The following AGBL1 variants were observed in gnomAD, a reference collection of about 807,000 sequenced individuals.
AGBL1 encodes AGBL carboxypeptidase 1, also known as cytosolic carboxypeptidase 4.
Under a neutral mutation model 118.9 loss-of-function variants are expected in AGBL1, and 130 were observed. The observed-to-expected ratio is 1.09, with a 90% CI of 0.95 to 1.26. The LOEUF (loss-of-function observed/expected upper bound fraction) is 1.26. AGBL1 is among the 50% of genes most tolerant of loss of function. AGBL1 has a pLI of 0.00. For missense variants in AGBL1, 1,584 were observed against 1,298.1 expected, an observed-to-expected ratio of 1.22 and a Z score of -3.38; for synonymous variants, 555 against 478.9, an observed-to-expected ratio of 1.16 and a Z score of -2.08.
intron 22 of AGBL1, among the ~76,000 whole-genome samples, chr15:86,765,339 G>T (rs1403964997): frequency 6.6e-6 from 1 of 151,950 alleles, no homozygotes; most frequent in African/African-American, 2.4e-5. Flanking sequence ...GCTAGACCCA[G>T]ATATGTTTGT....
rs143829392 is a variant in AGBL1 at position 86,860,315 on chromosome 15, T to C, written c.3159-46772T>C. On this transcript the variant is annotated intron_variant, in intron 22 of 22. Transcript: ENST00000614907. ...AATAGACTAGACATAGCCATTATCATTATTATTGACTATAACAACTACATC... is the reference window on the plus strand; with the variant it reads ...AATAGACTAGACATAGCCATTATCACTATTATTGACTATAACAACTACATC... Among the ~76,000 whole-genome samples the C allele has an allele frequency of 2.8e-4, 42 of 152,236 alleles. No homozygotes were observed. The East Asian group carries it at 7.9e-3, about 29-fold the overall frequency.
intron 13 of AGBL1, among the ~76,000 whole-genome samples, chr15:86,269,355 C>A (rs1406708811): frequency 6.6e-6 from 1 of 152,174 alleles, no homozygotes; most frequent in African/African-American, 2.4e-5. Context: ...GAAATTGAGG[C>A]TCAAAAGTAA....
intron 22 of AGBL1, among the ~76,000 whole-genome samples, chr15:86,763,728 CTG>C (rs10536486): frequency 0.013 from 1,958 of 152,090 alleles, 41 homozygotes; most frequent in African/African-American, 0.045. Context: ...GCTGATGAAC[CTG>C]TGACTTCAGA....
At chr15:86,270,976 C>T (rs898940655) in intron 14 of AGBL1, among the ~76,000 whole-genome samples, 1 of 151,600 alleles carries the variant, frequency 6.6e-6, no homozygotes, top group Non-Finnish European at 1.5e-5. Flanking sequence ...GGCTGATGGC[C>T]CCTTCTTGCA....
chr15:86,848,386 T>C (rs2079349408), intron 22 of AGBL1, among the ~76,000 whole-genome samples: 1 of 152,188 alleles, frequency 6.6e-6, no homozygotes, highest in African/African-American at 2.4e-5. Context: ...ATAAATTATT[T>C]TGGAAAGAAG....
intron 19 of AGBL1, among the ~76,000 whole-genome samples, chr15:86,543,124 A>C (rs116738049): frequency 0.031 from 4,643 of 152,192 alleles, 241 homozygotes; most frequent in African/African-American, 0.11. Flanking sequence ...TTATTCATTG[A>C]GCATTTTTAT....
intron 14 of AGBL1, 143 bp downstream of exon 14, chr15:86,270,210 G>C: frequency 8.8e-7 from 1 of 1,132,698 alleles, no homozygotes; most frequent in Non-Finnish European, 1.2e-6. Context: ...AGCAAGGCAG[G>C]CAGTGGCCCT....
intron 21 of AGBL1, among the ~76,000 whole-genome samples, chr15:86,588,880 C>A (rs2084293172): frequency 6.6e-6 from 1 of 152,096 alleles, no homozygotes; most frequent in African/African-American, 2.4e-5. Context: ...TCTTTGATGG[C>A]AAATACGTGT....
intron 17 of AGBL1, among the ~76,000 whole-genome samples, chr15:86,345,842 T>C (rs879490311): frequency 7.9e-5 from 12 of 152,188 alleles, no homozygotes; most frequent in Admixed American, 6.5e-4. Flanking sequence ...ATTCTCTGGA[T>C]CAGGGTCATT....
chr15:86,744,188 G>T (rs2077721269), intron 22 of AGBL1, among the ~76,000 whole-genome samples: 1 of 152,036 alleles, frequency 6.6e-6, no homozygotes, highest in East Asian at 1.9e-4. Context: ...CTTAGTTAAG[G>T]CAGGACTTCC....
chr15:86,753,112 T>C (rs1204164241), intron 22 of AGBL1, among the ~76,000 whole-genome samples: 1 of 152,110 alleles, frequency 6.6e-6, no homozygotes, highest in African/African-American at 2.4e-5. Context: ...CTAAATCTGT[T>C]AAAAACAGAG....
intron 21 of AGBL1, among the ~76,000 whole-genome samples, chr15:86,563,521 T>C (rs2083862832): frequency 1.3e-5 from 2 of 151,464 alleles, no homozygotes; most frequent in African/African-American, 4.9e-5. Flanking sequence ...TTTGTTATAA[T>C]TTCTGTTCTT....
Position 86,985,733 on chromosome 15 carries a change from C to T in AGBL1, c.3222-2254C>T, listed in dbSNP as rs188885251. On this transcript the variant is annotated intron_variant, in intron 23 of 24. Coordinates refer to the AGBL1 transcript ENST00000441037. ...AAAGGAAAAATGGTTTTAATTTTAACGAAGTCCAACGTATCAACATTTTCT... is the reference window on the plus strand; with the variant it reads ...AAAGGAAAAATGGTTTTAATTTTAATGAAGTCCAACGTATCAACATTTTCT... 2.5e-3 allele frequency among the ~76,000 whole-genome samples: 383 copies of T among 152,126 alleles called. 1 individual carries two copies. Among genetic ancestry groups the T allele is most frequent in the Middle Eastern group, 0.017 (5 of 294 alleles).
intron 23 of AGBL1, among the ~76,000 whole-genome samples, chr15:86,952,219 ACT>A (rs1197893742): frequency 6.7e-6 from 1 of 150,130 alleles, no homozygotes; most frequent in African/African-American, 2.5e-5. Flanking sequence ...CAAGAGCAAA[ACT>A]CTGTCTCAAA....
intron 19 of AGBL1, among the ~76,000 whole-genome samples, chr15:86,541,652 C>G (rs981300130): frequency 6.8e-6 from 1 of 146,000 alleles, no homozygotes; most frequent in Non-Finnish European, 1.5e-5. Context: ...GCTCTAAAGT[C>G]TAGAATAGGA....
chr15:86,889,071 C>T (rs2141551996), intron 22 of AGBL1, among the ~76,000 whole-genome samples: 1 of 152,064 alleles, frequency 6.6e-6, no homozygotes, highest in Non-Finnish European at 1.5e-5. Flanking sequence ...GGATTAAATC[C>T]TATGTTTACT....
At chr15:86,968,638 A>G (rs1022327407) in intron 23 of AGBL1, among the ~76,000 whole-genome samples, 1 of 151,932 alleles carries the variant, frequency 6.6e-6, no homozygotes, top group African/African-American at 2.4e-5. Flanking sequence ...AAGCAGACTC[A>G]ATCAACTCTT....
chr15:86,426,008 A>G (rs2081862374), intron 18 of AGBL1, among the ~76,000 whole-genome samples: 1 of 152,152 alleles, frequency 6.6e-6, no homozygotes, highest in African/African-American at 2.4e-5. Flanking sequence ...GAAAATGCCA[A>G]CCCCATGGGA....
chr15:86,467,870 T>G (rs1268288733), intron 18 of AGBL1, among the ~76,000 whole-genome samples: 1 of 152,110 alleles, frequency 6.6e-6, no homozygotes, highest in African/African-American at 2.4e-5. Context: ...AATGAAGAAA[T>G]CACTCATCTC....
Sources: allele counts gnomAD v4.1 joint callset (sites outside exome capture counted in the v4.1 genomes callset), GRCh38; gene constraint gnomAD v4.1.1; transcripts MANE v1.5; gene names NCBI Gene and HGNC (gene_info 2026-07-23, HGNC 2026-07-21).